The following PRDM11 variants were observed in gnomAD, a reference collection of about 807,000 sequenced individuals.
The protein encoded by PRDM11 is PR/SET domain 11.
In PRDM11, 20 loss-of-function variants were observed where a neutral mutation model predicts 97.8. That is an observed-to-expected ratio of 0.20 (90% CI 0.14 to 0.30). The LOEUF is 0.30. PRDM11 is among the 10% of genes least tolerant of loss of function. PRDM11 has a pLI of 1.00. For synonymous variants in PRDM11, 599 were observed against 637.7 expected (o/e 0.94, Z 0.91); for missense variants, 1,139 against 1,555.2 (o/e 0.73, Z 4.50).
chr11:45,163,491 G>A (rs540901988), intron 1 of PRDM11, among the ~76,000 whole-genome samples: 2 of 151,868 alleles, frequency 1.3e-5, no homozygotes, highest in East Asian at 1.9e-4. Context: ...TTGAGGATGG[G>A]GGGGGGTACC....
chr11:45,108,571 T>C (rs1852107278), intron 1 of PRDM11, among the ~76,000 whole-genome samples: 1 of 152,230 alleles, frequency 6.6e-6, no homozygotes, highest in African/African-American at 2.4e-5. Context: ...CTCTGGCTCC[T>C]GCCCTTGGAC....
At chr11:45,210,410 G>GA (rs1565328948) in intron 5 of PRDM11, among the ~76,000 whole-genome samples, 1 of 152,338 alleles carries the variant, frequency 6.6e-6, no homozygotes, top group East Asian at 1.9e-4. Context: ...GCAGAAGGGG[G>GA]AGCACTAAAG....
chr11:45,126,760 G>T (rs1852584576), intron 1 of PRDM11, among the ~76,000 whole-genome samples: 1 of 152,148 alleles, frequency 6.6e-6, no homozygotes, highest in East Asian at 1.9e-4. Flanking sequence ...CTCTCTGGCT[G>T]CCCTTAACAT....
Position 45,095,858 on chromosome 11 carries a change from C to T in PRDM11, c.53C>T (p.Ala18Val), listed in dbSNP as rs1851881665. The change falls in exon 1 of 7, where the codon GCC becomes GTC. Residue 18 changes from alanine (A) to valine (V), a missense_variant. Transcript: ENST00000530656. ...TCCCTGATGATCGTGGAGTGCCGGG[C>T]CTGCCTGAGATGCTCACCTCTCTTC... 4 of 780,074 alleles carry T rather than the reference C, an allele frequency of 5.1e-6. No individual in the cohort carries two copies. In the South Asian group the frequency reaches 5.4e-5, roughly 10 times the overall value. 48.3% of individuals were successfully genotyped at this position (780,074 alleles called of 1,614,324 possible). A position where few individuals can be genotyped will look rare whatever the true frequency, so the allele number is the denominator to read the frequency against.
upstream of PRDM11, among the ~76,000 whole-genome samples, chr11:45,142,466 T>C (rs1275875374): frequency 2.0e-5 from 3 of 152,104 alleles, no homozygotes; most frequent in Non-Finnish European, 2.9e-5. Context: ...CAGAGATGCC[T>C]TCCCTGTCCT....
At chr11:45,098,608 C>A (rs1851923405) in intron 1 of PRDM11, among the ~76,000 whole-genome samples, 1 of 152,198 alleles carries the variant, frequency 6.6e-6, no homozygotes, top group African/African-American at 2.4e-5. Context: ...TGGTCAGGTC[C>A]CAGGATCCAT....
chr11:45,208,265 G>A (rs1011355100), intron 5 of PRDM11, among the ~76,000 whole-genome samples: 1 of 152,206 alleles, frequency 6.6e-6, no homozygotes, highest in Non-Finnish European at 1.5e-5. Flanking sequence ...GGACGGGGAA[G>A]GGGAAGAGAG....
intron 5 of PRDM11, chr11:45,214,195 A>G (rs986112255): frequency 1.7e-5 from 3 of 177,360 alleles, no homozygotes; most frequent in Non-Finnish European, 2.4e-5. Context: ...CACTAGCTAC[A>G]TACACCTCTA....
intron 1 of PRDM11, among the ~76,000 whole-genome samples, chr11:45,180,451 A>AC (rs1007459152): frequency 2.0e-5 from 3 of 151,166 alleles, no homozygotes; most frequent in Non-Finnish European, 4.4e-5. Flanking sequence ...CAGCCCTGGC[A>AC]CCCCCCGGGC....
intron 1 of PRDM11, among the ~76,000 whole-genome samples, chr11:45,165,704 T>G (rs2135710568): frequency 1.3e-5 from 2 of 152,346 alleles, no homozygotes; most frequent in South Asian, 4.1e-4. Flanking sequence ...ATCCACGTTT[T>G]TACATGGAAT....
chr11:45,108,654 G>A (rs1852110796), intron 1 of PRDM11, among the ~76,000 whole-genome samples: 1 of 152,166 alleles, frequency 6.6e-6, no homozygotes. Context: ...CTCCTTTCAG[G>A]GAATGTGGTG....
chr11:45,225,096 T>G (rs1590478787), intron 7 of PRDM11: 1 of 1,432,982 alleles, frequency 7.0e-7, no homozygotes, highest in Non-Finnish European at 9.1e-7. Context: ...GCAGAAGGGG[T>G]GTGTGCTGTG....
At chr11:45,112,963 C>A (rs952006306) in intron 1 of PRDM11, among the ~76,000 whole-genome samples, 3 of 152,160 alleles carry the variant, frequency 2.0e-5, no homozygotes, top group Non-Finnish European at 4.4e-5. Context: ...TAATTAGGTC[C>A]CATTCATTTA....
chr11:45,159,486 G>A (rs992871286), intron 1 of PRDM11, among the ~76,000 whole-genome samples: 2 of 152,226 alleles, frequency 1.3e-5, no homozygotes, highest in Non-Finnish European at 2.9e-5. Flanking sequence ...GCTACTGTTC[G>A]CCCAGTTTGC....
intron 1 of PRDM11, among the ~76,000 whole-genome samples, chr11:45,166,651 A>G (rs1331356821): frequency 2.0e-5 from 3 of 152,224 alleles, no homozygotes; most frequent in Non-Finnish European, 4.4e-5. Context: ...AGTGCCTGGC[A>G]CTTGGTAGGA....
At chr11:45,143,214 T>C (rs1422076453), upstream of PRDM11, among the ~76,000 whole-genome samples, 2 of 152,220 alleles carry the variant, frequency 1.3e-5, no homozygotes, top group African/African-American at 2.4e-5. Context: ...CAATAAACAA[T>C]GTCCTTGTTT....
At chr11:45,186,590 C>CT (rs11442819) in intron 4 of PRDM11, among the ~76,000 whole-genome samples, 23,163 of 152,052 alleles carry the variant, frequency 0.15, 2,090 homozygotes, top group African/African-American at 0.24. Flanking sequence ...AGTAGGAAGT[C>CT]TCCTTGGCCC....
chr11:45,175,966 G>A (rs1414197923), intron 1 of PRDM11, among the ~76,000 whole-genome samples: 1 of 152,112 alleles, frequency 6.6e-6, no homozygotes, highest in Admixed American at 6.5e-5. Flanking sequence ...TTTGCAGATT[G>A]CTTGTTCATG....
At position 45,189,404 on chromosome 11, in the gene PRDM11, C is replaced by T. The variant is rs74909912; in HGVS notation, c.486+6281C>T. On this transcript the variant is annotated intron_variant, in intron 4 of 7. Coordinates refer to ENST00000683152, the MANE Select transcript of PRDM11 (RefSeq NM_001384648.1). ...AAATGCATACTATAATGACCTCTAT[C>T]TGCACTTTTAGCTATACAGGCTCCA... Among the ~76,000 whole-genome samples, 1,518 of 152,318 alleles carry T rather than the reference C, an allele frequency of 1.0e-2. 33 individuals carry two copies. Among genetic ancestry groups the T allele is most frequent in the African/African-American group, 0.035 (1,466 of 41,560 alleles).
Sources: gnomAD v4.1 joint callset for allele counts (sites outside exome capture counted in the v4.1 genomes callset) on GRCh38, gnomAD v4.1.1 for gene constraint, MANE v1.5 for transcripts, NCBI Gene and HGNC (gene_info 2026-07-23, HGNC 2026-07-21) for gene names.